GATA6: variants seen among roughly 807,000 people sequenced by gnomAD.
GATA6 encodes GATA binding protein 6.
Under a neutral mutation model 48.1 loss-of-function variants are expected in GATA6, and 11 were observed. The observed-to-expected ratio is 0.23, with a 90% CI of 0.14 to 0.38. The LOEUF is 0.38. Among genes scored for constraint, GATA6 ranks in the 10% least tolerant of loss-of-function variants. The pLI is 1.00. For missense variants in GATA6, 795 were observed against 850.3 expected, an observed-to-expected ratio of 0.93 and a Z score of 0.81; for synonymous variants, 419 against 396.1, an observed-to-expected ratio of 1.06 and a Z score of -0.69.
In GATA6 at chr18:22,181,497, C is replaced by A; in HGVS notation, c.1347C>A (p.Thr449=). 1 of 1,614,130 alleles carries A rather than the reference C, an allele frequency of 6.2e-7. No individual in the cohort carries two copies. Among genetic ancestry groups the A allele is most frequent in the East Asian group, 2.2e-5 (1 of 44,880 alleles). Residue 449 remains threonine (T), a synonymous_variant, in exon 4 of 7, where the codon ACC becomes ACA. Coordinates refer to ENST00000269216, the MANE Select transcript of GATA6 (RefSeq NM_005257.6). ...GATTGTCCTGTGCCAACTGTCACAC[C>A]ACAACTACCACCTTATGGCGCAGAA... The part of the protein sequence containing the change: ...RLGLSCANCH[T]TTTTLWRRNA...
intron 6 of GATA6, among the ~76,000 whole-genome samples, chr18:22,190,959 C>A (rs1173198578): frequency 1.3e-5 from 2 of 151,498 alleles, no homozygotes; most frequent in Non-Finnish European, 2.9e-5. Context: ...AATGTTCAAG[C>A]ATGCGGATTT....
chr18:22,171,866 CGGCTGGCGGCGG>C lies in GATA6; in HGVS notation c.726_737del (p.Gly243_Ala246del). 1 of 1,167,886 alleles carries C rather than the reference CGGCTGGCGGCGG, an allele frequency of 8.6e-7. No individual in the cohort carries two copies. Among genetic ancestry groups the C allele is most frequent in the Non-Finnish European group, 1.1e-6 (1 of 947,690 alleles). 72.3% of individuals were successfully genotyped at this position (1,167,886 alleles called of 1,614,324 possible). ...CCTCCATACGGCAGCGGAGGCGGCG[CGGCTGGCGGCGG>C]GGCCGCGGGGCCTGGCGGCGCTGGC... On this transcript the variant is annotated inframe_deletion, in exon 2 of 7. Coordinates refer to ENST00000269216, the MANE Select transcript of GATA6 (RefSeq NM_005257.6). This position sits in a 1 kb window ranked among gnomAD's most constrained non-coding sequence, Gnocchi z 7.1.
chr18:22,173,223 G>A (rs930130562), intron 2 of GATA6, among the ~76,000 whole-genome samples: 1 of 152,206 alleles, frequency 6.6e-6, no homozygotes, highest in Non-Finnish European at 1.5e-5. Flanking sequence ...CTGTTAGGCT[G>A]TTTTTCTCAG....
chr18:22,177,818 C>G (rs571436161), intron 3 of GATA6, among the ~76,000 whole-genome samples: 4 of 152,210 alleles, frequency 2.6e-5, no homozygotes, highest in Admixed American at 2.6e-4. Context: ...GCCCTTGAGC[C>G]TGGTGAAAAT....
chr18:22,182,676 A>C, intron 4 of GATA6, 81 bp from the exon 5 acceptor site: 1 of 1,022,136 alleles, frequency 9.8e-7, no homozygotes, highest in Non-Finnish European at 1.5e-6. Context: ...CTTTTAAATG[A>C]GAGCTTTTAG....
chr18:22,189,595 C>T (rs1181873274), intron 6 of GATA6, among the ~76,000 whole-genome samples: 3 of 152,140 alleles, frequency 2.0e-5, no homozygotes, highest in Non-Finnish European at 4.4e-5. Context: ...TGTTAAGTTG[C>T]TCAGAGGAAA....
intron 6 of GATA6, among the ~76,000 whole-genome samples, chr18:22,192,861 T>C (rs538306777): frequency 6.6e-6 from 1 of 152,236 alleles, no homozygotes; most frequent in Non-Finnish European, 1.5e-5. Context: ...AGAGTACTTA[T>C]AAAGTTTGGC....
intron 3 of GATA6, 67 bp downstream of exon 3, chr18:22,177,188 G>T (rs374001745): frequency 2.2e-5 from 32 of 1,431,628 alleles, no homozygotes; most frequent in East Asian, 1.6e-4. Context: ...GGCCGGCCCC[G>T]CCCTGGCTCG....
At chr18:22,181,308 C>A (rs2033192284) in intron 3 of GATA6, 145 bp from the exon 4 acceptor site, 1 of 996,896 alleles carries the variant, frequency 1.0e-6, no homozygotes, top group Non-Finnish European at 1.5e-6. Context: ...AAGTACACTG[C>A]AATTTTTTTT....
Position 22,187,151 on chromosome 18 carries a change from TAA to T in GATA6, c.1620+4113_1620+4114del, listed in dbSNP as rs1338171974. Among the ~76,000 whole-genome samples the T allele has an allele frequency of 2.0e-5, 3 of 152,242 alleles. No homozygotes were observed. In the South Asian group the frequency reaches 6.2e-4, roughly 32 times the overall value. On this transcript the variant is annotated intron_variant, in intron 6 of 6. Coordinates refer to ENST00000269216, the MANE Select transcript of GATA6 (RefSeq NM_005257.6). ...AATTTTCTTATCCATGCAGATTTAC[TAA>T]AAAATGTATATTTAGTTGATCTAAA...
rs2033044857 is a variant in GATA6 at position 22,171,464 on chromosome 18, C to T, written c.320C>T (p.Ser107Leu). The T allele has an allele frequency of 6.3e-7, 1 of 1,599,250 alleles. No individual in the cohort carries two copies. The change falls in exon 2 of 7, where the codon TCG (serine) becomes TTG (leucine). Residue 107 changes from serine (S) to leucine (L), a missense_variant. Transcript: ENST00000269216. The surrounding 1 kb of genome is among the most constrained non-coding windows in gnomAD (Gnocchi z 7.1). ...GTCGCGGGCCCCGGGGGCAACCTGT[C>T]GAGCTGGGAGGACTTGCTGCTGTTC... is the stretch of plus-strand genomic sequence containing the variant. Reference protein sequence around the residue: ...PGVAGPGGNLSSWEDLLLFTD... With the variant: ...PGVAGPGGNLLSWEDLLLFTD...
intron 6 of GATA6, among the ~76,000 whole-genome samples, chr18:22,190,016 AT>A (rs1299463795): frequency 1.3e-5 from 2 of 152,236 alleles, no homozygotes; most frequent in East Asian, 3.8e-4. Flanking sequence ...AGCGTGTTAG[AT>A]TAATATGCGA....
At chr18:22,180,053 T>C (rs2033173650) in intron 3 of GATA6, 1 of 152,220 alleles carries the variant, frequency 6.6e-6, no homozygotes, top group East Asian at 1.9e-4. Flanking sequence ...GATCTTAACT[T>C]CCCAAATTTT....
At chr18:22,189,641 G>T (rs1290360040) in intron 6 of GATA6, among the ~76,000 whole-genome samples, 1 of 152,162 alleles carries the variant, frequency 6.6e-6, no homozygotes, top group Non-Finnish European at 1.5e-5. Flanking sequence ...AGCCTGCTGG[G>T]GCTGGAGCAG....
intron 6 of GATA6, among the ~76,000 whole-genome samples, chr18:22,190,796 C>A (rs980853230): frequency 3.9e-5 from 6 of 152,156 alleles, no homozygotes; most frequent in Non-Finnish European, 5.9e-5. Flanking sequence ...ATGCTACAAG[C>A]CATGAACATA....
In GATA6 at chr18:22,170,841, G is replaced by A; in HGVS notation, c.-37-267G>A. The A allele has an allele frequency of 2.1e-6, 1 of 485,920 alleles. No homozygotes were observed. Among genetic ancestry groups the A allele is most frequent in the Non-Finnish European group, 3.7e-6 (1 of 271,756 alleles). The allele number at this position is 485,920 out of a possible 1,614,324, so 30.1% of individuals were successfully genotyped here. ...GGCCGAGGGGGTGGGCGGGGAGGAC[G>A]CGGGGACCGGAGCGGTGCCTTTGAG... On this transcript the variant is annotated intron_variant, in intron 1 of 6. Coordinates refer to ENST00000269216, the MANE Select transcript of GATA6 (RefSeq NM_005257.6). This position sits in a 1 kb window ranked among gnomAD's most constrained non-coding sequence, Gnocchi z 6.7.
At chr18:22,196,152 C>T (rs1215604525) in intron 6 of GATA6, among the ~76,000 whole-genome samples, 4 of 152,130 alleles carry the variant, frequency 2.6e-5, no homozygotes, top group African/African-American at 4.8e-5. Flanking sequence ...ATTATATGTA[C>T]ACATAAAATA....
At chr18:22,186,668 G>C (rs1432460558) in intron 6 of GATA6, among the ~76,000 whole-genome samples, 1 of 152,156 alleles carries the variant, frequency 6.6e-6, no homozygotes, top group African/African-American at 2.4e-5. Flanking sequence ...GGGAGAGGGG[G>C]CTCCAGGGCT....
chr18:22,186,856 T>C (rs1419066805), intron 6 of GATA6, among the ~76,000 whole-genome samples: 2 of 152,200 alleles, frequency 1.3e-5, no homozygotes, highest in African/African-American at 4.8e-5. Flanking sequence ...AAAGGAGACA[T>C]TCCTTCAGAT....
Sources: gnomAD v4.1 joint callset for allele counts (sites outside exome capture counted in the v4.1 genomes callset) on GRCh38, gnomAD v4.1.1 for gene constraint, Gnocchi (gnomAD v3.1) non-coding constraint, MANE v1.5 for transcripts, NCBI Gene and HGNC (gene_info 2026-07-23, HGNC 2026-07-21) for gene names.